The following EED variants were observed in gnomAD, a reference collection of about 807,000 sequenced individuals.
The protein encoded by EED is embryonic ectoderm development, also known as polycomb protein EED.
EED carries 9 observed loss-of-function variants against 61.0 expected under a neutral mutation model. That is an observed-to-expected ratio of 0.15 (90% CI 0.09 to 0.26). EED has a LOEUF of 0.26. Among genes scored for constraint, EED ranks in the 10% least tolerant of loss-of-function variants. EED has a pLI of 1.00. For synonymous variants in EED, 187 were observed against 174.4 expected (o/e 1.07, Z -0.57); for missense variants, 315 against 542.3 (o/e 0.58, Z 4.16).
At chr11:86,282,122 CTTTAT>C (rs570669808), downstream of EED, among the ~76,000 whole-genome samples, 36 of 152,136 alleles carry the variant, frequency 2.4e-4, no homozygotes, top group Admixed American at 4.6e-4. Flanking sequence ...ACATCCCAGA[CTTTAT>C]TTTAACTGTA....
Position 86,244,876 on chromosome 11 carries a change from C to T in EED, c.-354C>T, listed in dbSNP as rs557991374. 83 of 252,128 alleles carry T rather than the reference C, an allele frequency of 3.3e-4. No homozygotes were observed. Among genetic ancestry groups the T allele is most frequent in the Middle Eastern group, 2.3e-3 (2 of 856 alleles). 15.6% of individuals were successfully genotyped at this position (252,128 alleles called of 1,614,324 possible). A position where few individuals can be genotyped will look rare whatever the true frequency, so the allele number is the denominator to read the frequency against. On this transcript the variant is annotated 5_prime_UTR_variant, in exon 1 of 12. Transcript: ENST00000263360. ...CATCCCTTTGAGTTTCGCCTCTTCTCGAGGCGGTGGTGGGAAGGGAGACAT... is the reference window on the plus strand; with the variant it reads ...CATCCCTTTGAGTTTCGCCTCTTCTTGAGGCGGTGGTGGGAAGGGAGACAT...
the EED span, among the ~76,000 whole-genome samples, chr11:86,286,034 A>G: frequency 6.6e-6 from 1 of 151,046 alleles, no homozygotes; most frequent in Admixed American, 6.6e-5. Flanking sequence ...CACAAAAGTA[A>G]CTCCACTTTT....
chr11:86,272,252 G>A (rs1316027870), intron 9 of EED, among the ~76,000 whole-genome samples: 3 of 150,272 alleles, frequency 2.0e-5, no homozygotes, highest in African/African-American at 4.9e-5. Flanking sequence ...TAGAGATGGG[G>A]TTTCACTGTG....
At chr11:86,267,766 A>ATTTTTTTTTTT (rs36185703) in intron 8 of EED, 55 of 108,732 alleles carry the variant, frequency 5.1e-4, no homozygotes, top group African/African-American at 9.6e-4. Context: ...TGCCTGGCTA[A>ATTTTTTTTTTT]TTTTTTTTTT....
chr11:86,245,859 C>T (rs1300140656), intron 1 of EED, among the ~76,000 whole-genome samples: 2 of 152,102 alleles, frequency 1.3e-5, no homozygotes, highest in Non-Finnish European at 2.9e-5. Flanking sequence ...GTCCTGTCCG[C>T]GGAGACCGGG....
intron 4 of EED, among the ~76,000 whole-genome samples, 166 bp downstream of exon 4, chr11:86,255,453 G>A (rs1177972429): frequency 6.6e-6 from 1 of 152,048 alleles, no homozygotes; most frequent in Non-Finnish European, 1.5e-5. Context: ...CTGACCCTTA[G>A]AAATCCATTG....
intron 6 of EED, among the ~76,000 whole-genome samples, chr11:86,258,357 A>G (rs560204829): frequency 7.4e-4 from 112 of 152,250 alleles, no homozygotes; most frequent in Non-Finnish European, 2.2e-4. Context: ...GTTTTTCAGG[A>G]TAAGTTATTT....
Position 86,257,585 on chromosome 11 carries a change from C to A in EED, c.623C>A (p.Ser208Ter). ...FHPRDPNLLL[S>*]VSKDHALRLW... ...CCAAGAGATCCAAATCTTCTCCTGT[C>A]AGTAAGTAAAGGTAAGTGAAGCAAA... Residue 208 changes from serine (S) to a stop codon, truncating the protein, a stop_gained, in exon 6 of 12, where the codon TCA (serine) becomes TAA (stop). Transcript: ENST00000263360. LOFTEE classifies it high-confidence loss of function. 6.2e-7 allele frequency: 1 copy of A among 1,609,994 alleles called. No individual in the cohort carries two copies. The highest frequency in any genetic ancestry group is 1.1e-5 in the South Asian group (1 of 90,230).
intron 1 of EED, among the ~76,000 whole-genome samples, chr11:86,248,429 C>T (rs1466803): frequency 0.7 from 107,146 of 152,050 alleles, 38,205 homozygotes; most frequent in Non-Finnish European, 0.78. Flanking sequence ...TATATAAAAA[C>T]GTCTTAGAGT....
In EED at chr11:86,264,146, G is replaced by A. The variant is rs578082247; in HGVS notation, c.635-26G>A. 3.3e-5 allele frequency: 52 copies of A among 1,552,754 alleles called. 2 individuals are homozygous for A. Among genetic ancestry groups the A allele is most frequent in the South Asian group, 2.3e-4 (20 of 87,544 alleles). On this transcript the variant is annotated intron_variant, in intron 6 of 11. Coordinates refer to ENST00000263360, the MANE Select transcript of EED (RefSeq NM_003797.5). ...AGTTCACAGTAAATAAAAAACATTC[G>A]CCTAATTTTTGTATGTTTATACTAG...
At chr11:86,265,978 T>C in intron 7 of EED, 105 bp from the exon 8 acceptor site, 1 of 963,674 alleles carries the variant, frequency 1.0e-6, no homozygotes, top group Middle Eastern at 3.4e-4. Flanking sequence ...GTAGTTTGTA[T>C]TGTGATTTGA....
chr11:86,251,040 C>G (rs1444541697), intron 2 of EED, among the ~76,000 whole-genome samples: 1 of 151,854 alleles, frequency 6.6e-6, no homozygotes, highest in Non-Finnish European at 1.5e-5. Flanking sequence ...AAGATATTTT[C>G]TTTTATATAT....
At chr11:86,246,488 A>G (rs1945395499) in intron 1 of EED, among the ~76,000 whole-genome samples, 2 of 152,202 alleles carry the variant, frequency 1.3e-5, no homozygotes, top group African/African-American at 4.8e-5. Context: ...TAATGATGTC[A>G]TGACTAAGAT....
chr11:86,266,734 C>CT (rs1945990774), intron 8 of EED, among the ~76,000 whole-genome samples: 1 of 152,026 alleles, frequency 6.6e-6, no homozygotes, highest in African/African-American at 2.4e-5. Flanking sequence ...CTTCATGGTA[C>CT]TATAGGTTGG....
chr11:86,266,623 A>G (rs1945987896), intron 8 of EED, among the ~76,000 whole-genome samples: 1 of 152,144 alleles, frequency 6.6e-6, no homozygotes, highest in Admixed American at 6.5e-5. Context: ...GGTAAACCAC[A>G]GTTTTAAACA....
chr11:86,285,072 C>T, the EED span, among the ~76,000 whole-genome samples: 1 of 152,060 alleles, frequency 6.6e-6, no homozygotes, highest in African/African-American at 2.4e-5. Flanking sequence ...GATTGTGCCA[C>T]CACACTCCAG....
chr11:86,265,000 G>A (rs939358644), intron 7 of EED: 15 of 152,160 alleles, frequency 9.9e-5, no homozygotes, highest in African/African-American at 3.6e-4. Context: ...GGATTCCTTT[G>A]TGAGAATCAT....
chr11:86,274,264 G>T (rs527768781), intron 9 of EED, among the ~76,000 whole-genome samples: 3 of 152,130 alleles, frequency 2.0e-5, no homozygotes, highest in South Asian at 4.2e-4. Context: ...TTCTAAGTAT[G>T]TTTGCATTCA....
rs373013197 is a variant in EED, at chr11:86,272,349, C to T, written c.966+3788C>T. Among the ~76,000 whole-genome samples, 7 of 152,010 alleles carry T rather than the reference C, an allele frequency of 4.6e-5. No homozygotes were observed. The South Asian group carries it at 6.2e-4, about 14-fold the overall frequency. ...CTGGGGTTACAGGCGTGAGCCACCG[C>T]GCCCGGCCACTGTTGGTTTATTTTG... On this transcript the variant is annotated intron_variant, in intron 9 of 11. Coordinates refer to ENST00000263360, the MANE Select transcript of EED (RefSeq NM_003797.5).
Sources: allele counts gnomAD v4.1 joint callset (sites outside exome capture counted in the v4.1 genomes callset), GRCh38; gene constraint gnomAD v4.1.1; transcripts MANE v1.5; gene names NCBI Gene and HGNC (gene_info 2026-07-23, HGNC 2026-07-21).